Variants in FOXN3 observed in about 807,000 individuals in gnomAD.
The protein encoded by FOXN3 is forkhead box protein N3.
Under a neutral mutation model 38.4 loss-of-function variants are expected in FOXN3, and 7 were observed. That is an observed-to-expected ratio of 0.18 (90% confidence interval 0.10 to 0.34). The LOEUF (loss-of-function observed/expected upper bound fraction) is 0.34. FOXN3 is among the 10% of genes least tolerant of loss of function. The pLI, the probability that FOXN3 is intolerant of heterozygous loss-of-function variation, is 1.00. For synonymous variants in FOXN3, 230 were observed against 242.2 expected (o/e 0.95, Z 0.47); for missense variants, 456 against 613.4 (o/e 0.74, Z 2.71).
intron 1 of FOXN3, among the ~76,000 whole-genome samples, chr14:89,573,594 C>T (rs924572199): frequency 2.0e-5 from 3 of 152,124 alleles, no homozygotes; most frequent in African/African-American, 7.2e-5. Flanking sequence ...CTCCCATCCA[C>T]GGGATGGGAG....
intron 4 of FOXN3, among the ~76,000 whole-genome samples, chr14:89,273,516 C>T (rs1036813201): frequency 3.9e-5 from 6 of 152,210 alleles, no homozygotes; most frequent in African/African-American, 1.4e-4. Flanking sequence ...GATTCCACAC[C>T]AGGCTGTAGC....
At chr14:89,333,868 G>A (rs1201678775) in intron 3 of FOXN3, among the ~76,000 whole-genome samples, 1 of 150,088 alleles carries the variant, frequency 6.7e-6, no homozygotes, top group Non-Finnish European at 1.5e-5. Flanking sequence ...TATCTGCATG[G>A]CACTCTCAAT....
chr14:89,284,034 T>A (rs1320001954), intron 3 of FOXN3, among the ~76,000 whole-genome samples: 3 of 152,126 alleles, frequency 2.0e-5, no homozygotes, highest in Non-Finnish European at 4.4e-5. Context: ...CTAATTTTTG[T>A]ATTTTTAGGA....
At chr14:89,292,373 C>T (rs1035453163) in intron 3 of FOXN3, among the ~76,000 whole-genome samples, 19 of 152,186 alleles carry the variant, frequency 1.2e-4, no homozygotes, top group African/African-American at 4.3e-4. Context: ...AGCTTCCACT[C>T]CCCCATGTCA....
intron 2 of FOXN3, among the ~76,000 whole-genome samples, chr14:89,362,871 G>A (rs1013556839): frequency 4.7e-5 from 7 of 147,636 alleles, no homozygotes; most frequent in African/African-American, 1.5e-4. Context: ...TCAAACTTCC[G>A]TGGGCCTAAC....
intron 1 of FOXN3, among the ~76,000 whole-genome samples, chr14:89,511,256 TTTCTTTC>T (rs1894080334): frequency 4.5e-5 from 1 of 22,312 alleles, no homozygotes; most frequent in East Asian, 7.1e-4. Flanking sequence ...CTTTTCTTTC[TTTCTTTC>T]TTTCTTTCTT....
At chr14:89,595,160 CAA>C (rs1329859208) in intron 1 of FOXN3, among the ~76,000 whole-genome samples, 2 of 128,264 alleles carry the variant, frequency 1.6e-5, no homozygotes, top group Non-Finnish European at 3.4e-5. Context: ...ACTAAAAATA[CAA>C]AAAAAAAAAA....
intron 2 of FOXN3, among the ~76,000 whole-genome samples, chr14:89,374,263 CAAAAAAAAAAA>C (rs35623770): frequency 3.3e-4 from 16 of 48,178 alleles, no homozygotes; most frequent in African/African-American, 7.2e-4. Context: ...GACCTTGTCT[CAAAAAAAAAAA>C]AAAAAAAAAA....
At chr14:89,267,213 A>C (rs1436762117) in intron 4 of FOXN3, among the ~76,000 whole-genome samples, 1 of 152,222 alleles carries the variant, frequency 6.6e-6, no homozygotes, top group Admixed American at 6.5e-5. Flanking sequence ...TTCTCAGGGT[A>C]GACGGTACAA....
intron 1 of FOXN3, among the ~76,000 whole-genome samples, chr14:89,590,027 T>C (rs568962931): frequency 1.5e-3 from 235 of 152,266 alleles, no homozygotes; most frequent in Admixed American, 4.1e-3. Flanking sequence ...CCAGGTTTCC[T>C]GGGCATCTAA....
intron 1 of FOXN3, among the ~76,000 whole-genome samples, chr14:89,437,722 A>ATT (rs1892300788): frequency 6.6e-6 from 1 of 152,238 alleles, no homozygotes; most frequent in Non-Finnish European, 1.5e-5. Context: ...ATAGGCAACC[A>ATT]GCAGCCATCA....
At chr14:89,455,169 T>C (rs901768861) in intron 1 of FOXN3, among the ~76,000 whole-genome samples, 6 of 152,220 alleles carry the variant, frequency 3.9e-5, no homozygotes, top group African/African-American at 1.2e-4. Flanking sequence ...TCATCTCCAA[T>C]GTTCCTTATA....
intron 3 of FOXN3, chr14:89,290,525 G>T: frequency 3.8e-6 from 2 of 528,972 alleles, no homozygotes; most frequent in South Asian, 1.5e-5. Flanking sequence ...CTTTCATCGG[G>T]AGAGCTGATT....
rs201045118 is a variant in FOXN3 at position 89,491,526 on chromosome 14, CA to C, written c.-14-79037del. Among the ~76,000 whole-genome samples the C allele has an allele frequency of 7.1e-3, 1,076 of 152,242 alleles. 14 individuals carry two copies. Among genetic ancestry groups the C allele is most frequent in the African/African-American group, 0.025 (1,019 of 41,534 alleles). ...GGGCACAGAATTCAGGACCCATGGA[CA>C]GGGGCACAGGATGCCCAAGGAAAAG... is the stretch of plus-strand genomic sequence containing the variant. On this transcript the variant is annotated intron_variant, in intron 1 of 6. Transcript: ENST00000345097.
chr14:89,531,436 A>G (rs183744451), intron 1 of FOXN3, among the ~76,000 whole-genome samples: 1 of 152,360 alleles, frequency 6.6e-6, no homozygotes, highest in Admixed American at 6.5e-5. Flanking sequence ...CATCCAAGCA[A>G]GTTCAAACAA....
At chr14:89,256,227 G>T (rs1022283597) in intron 4 of FOXN3, among the ~76,000 whole-genome samples, 7 of 152,022 alleles carry the variant, frequency 4.6e-5, no homozygotes, top group Non-Finnish European at 1.0e-4. Flanking sequence ...GCATAAAAAA[G>T]GCTCTCCACA....
intron 4 of FOXN3, among the ~76,000 whole-genome samples, chr14:89,244,419 T>A (rs138472714): frequency 6.6e-6 from 1 of 152,204 alleles, no homozygotes; most frequent in Non-Finnish European, 1.5e-5. Flanking sequence ...TGGCCAAATA[T>A]GCTCAGAGTT....
intron 3 of FOXN3, among the ~76,000 whole-genome samples, chr14:89,298,223 T>G (rs1596164329): frequency 6.6e-6 from 1 of 152,154 alleles, no homozygotes; most frequent in African/African-American, 2.4e-5. Context: ...TTTTATAAGG[T>G]ATCTAGAGTC....
chr14:89,284,396 A>G, intron 3 of FOXN3: 1 of 452,060 alleles, frequency 2.2e-6, no homozygotes, highest in South Asian at 1.6e-5. Flanking sequence ...TTAGTGATCA[A>G]CCCAAGAAGG....
Sources: gnomAD v4.1 joint callset for allele counts (sites outside exome capture counted in the v4.1 genomes callset) on GRCh38, gnomAD v4.1.1 for gene constraint, MANE v1.5 for transcripts, NCBI Gene and HGNC (gene_info 2026-07-23, HGNC 2026-07-21) for gene names.